Variants in ANKMY2 observed in about 807,000 individuals in gnomAD.
ANKMY2 encodes ankyrin repeat and MYND domain-containing protein 2.
A neutral mutation model predicts 50.4 loss-of-function variants in ANKMY2; 36 were observed. That is an observed-to-expected ratio of 0.71 (90% CI 0.55 to 0.94). The LOEUF (loss-of-function observed/expected upper bound fraction) is 0.94. Among genes scored for constraint, ANKMY2 ranks in the 40% least tolerant of loss-of-function variants. The probability of loss-of-function intolerance (pLI) is 0.00; values close to 1 mark genes in which losing one functional copy is unlikely to be tolerated. For missense variants in ANKMY2, 565 were observed against 524.0 expected (o/e 1.08, Z -0.76); for synonymous variants, 187 against 178.8 (o/e 1.05, Z -0.36).
In ANKMY2 at chr7:16,602,508, A is replaced by T. The variant is rs775654222; in HGVS notation, c.1013T>A (p.Val338Glu). The T allele has an allele frequency of 1.2e-5, 19 of 1,608,234 alleles. No individual in the cohort carries two copies. Among genetic ancestry groups the T allele is most frequent in the Non-Finnish European group, 1.3e-5 (15 of 1,178,602 alleles). The change falls in exon 9 of 10, where the codon GTA becomes GAA. Residue 338 changes from valine (V) to glutamate (E), a missense_variant and splice_region_variant. Val to Glu is a moderately radical substitution (Grantham distance 121). Transcript: ENST00000306999. ...CTGGCAGGTTTGATCACAATATATT[A>T]CCTGAAAGCAATTGTTGGTTTATTT... ...ASKRCSVCKM[V>E]IYCDQTCQKT...
At chr7:16,601,214 T>C (rs1781054989) in intron 9 of ANKMY2, among the ~76,000 whole-genome samples, 1 of 152,194 alleles carries the variant, frequency 6.6e-6, no homozygotes, top group East Asian at 1.9e-4. Context: ...AGATTGTTGC[T>C]TGGGATTTGA....
intron 1 of ANKMY2, among the ~76,000 whole-genome samples, chr7:16,642,742 T>C (rs1395420517): frequency 6.6e-6 from 1 of 152,090 alleles, no homozygotes; most frequent in Non-Finnish European, 1.5e-5. Flanking sequence ...TCTTCAACTA[T>C]AAAATAAAAA....
intron 9 of ANKMY2, among the ~76,000 whole-genome samples, chr7:16,601,819 T>G (rs148983184): frequency 6.6e-6 from 1 of 152,024 alleles, no homozygotes; most frequent in Admixed American, 6.6e-5. Flanking sequence ...CTATTTCTGA[T>G]GAAAATGGGT....
At chr7:16,621,098 C>T (rs115087305) in intron 4 of ANKMY2, among the ~76,000 whole-genome samples, 1,991 of 152,144 alleles carry the variant, frequency 0.013, 33 homozygotes, top group African/African-American at 0.046. Context: ...AGCTAGAAAA[C>T]GCAGTAAACT....
chr7:16,625,142 T>A, intron 3 of ANKMY2, 61 bp from the exon 4 acceptor site: 1 of 1,318,306 alleles, frequency 7.6e-7, no homozygotes, highest in Non-Finnish European at 1.1e-6. Context: ...AAACATCCCT[T>A]TCTAAACTCT....
chr7:16,615,921 A>T lies in ANKMY2; in HGVS notation c.371-17T>A. ...CATGTTGACCTTTTCATAGAAAAAT[A>T]GAAAAGTTGTAGTTTTAGTATTAAA... On this transcript the variant is annotated splice_polypyrimidine_tract_variant and intron_variant, in intron 4 of 9. Transcript: ENST00000306999. The T allele has an allele frequency of 6.3e-7, 1 of 1,580,294 alleles. No homozygotes were observed. The highest frequency in any genetic ancestry group is 1.2e-5 in the South Asian group (1 of 85,964).
chr7:16,608,658 C>T (rs1030540987), intron 7 of ANKMY2, among the ~76,000 whole-genome samples: 4 of 152,016 alleles, frequency 2.6e-5, no homozygotes, highest in Non-Finnish European at 4.4e-5. Flanking sequence ...TTGATTGAAA[C>T]GTATAAAAGC....
chr7:16,640,409 G>C (rs1204194505), intron 1 of ANKMY2, among the ~76,000 whole-genome samples: 6 of 152,162 alleles, frequency 3.9e-5, no homozygotes, highest in African/African-American at 1.4e-4. Context: ...CCAAAGACAA[G>C]AAGATGCAGC....
At chr7:16,615,984 A>T in intron 4 of ANKMY2, 80 bp from the exon 5 acceptor site, 1 of 1,366,654 alleles carries the variant, frequency 7.3e-7, no homozygotes, top group South Asian at 1.4e-5. Flanking sequence ...TTATGTTGCT[A>T]TTTTTGTGAT....
intron 8 of ANKMY2, chr7:16,603,461 A>C: frequency 2.9e-6 from 1 of 348,492 alleles, no homozygotes; most frequent in Admixed American, 3.5e-5. Context: ...GATATGTTCA[A>C]GAACAGCAAG....
intron 7 of ANKMY2, among the ~76,000 whole-genome samples, chr7:16,608,894 A>G (rs904481052): frequency 6.6e-6 from 1 of 152,082 alleles, no homozygotes; most frequent in Admixed American, 6.5e-5. Context: ...CCAGCCACTC[A>G]GGAGGCTGAA....
At chr7:16,611,217 GA>G (rs1470623061) in intron 5 of ANKMY2, among the ~76,000 whole-genome samples, 1 of 152,116 alleles carries the variant, frequency 6.6e-6, no homozygotes, top group Non-Finnish European at 1.5e-5. Context: ...TTAAGCACAA[GA>G]AAATGAGATT....
At chr7:16,618,349 T>C (rs910100977) in intron 4 of ANKMY2, among the ~76,000 whole-genome samples, 16 of 151,818 alleles carry the variant, frequency 1.1e-4, no homozygotes, top group Middle Eastern at 3.2e-3. Flanking sequence ...AATTCAGATA[T>C]AGAAATCATT....
chr7:16,607,087 G>A (rs891628310), intron 7 of ANKMY2, among the ~76,000 whole-genome samples: 1 of 152,196 alleles, frequency 6.6e-6, no homozygotes, highest in Non-Finnish European at 1.5e-5. Context: ...CAATTAGGCA[G>A]TAAACAATGG....
chr7:16,642,059 A>AGT (rs1187605529), intron 1 of ANKMY2, among the ~76,000 whole-genome samples: 2 of 52,888 alleles, frequency 3.8e-5, no homozygotes, highest in East Asian at 5.2e-4. Flanking sequence ...ATTGTATCTC[A>AGT]ATAGTTGGTA....
chr7:16,644,688 C>T (rs1327603122), intron 1 of ANKMY2: 15 of 471,028 alleles, frequency 3.2e-5, no homozygotes, highest in Non-Finnish European at 6.6e-5. Flanking sequence ...ATGTCACCTG[C>T]CAGGTAACGG....
rs1174048312 is a variant in ANKMY2 at position 16,645,601 on chromosome 7, C to G, written c.-28G>C. ...CTCCCGCCAGCTTGAAGGTTATTCC[C>G]TTTCTTAGGGAGTATTAAAAAAGAA... On this transcript the variant is annotated 5_prime_UTR_variant, in exon 1 of 10. Coordinates refer to ENST00000306999, the MANE Select transcript of ANKMY2 (RefSeq NM_020319.3). The G allele has an allele frequency of 6.2e-7, 1 of 1,606,154 alleles. No homozygotes were observed. The highest frequency in any genetic ancestry group is 1.3e-5 in the African/African-American group (1 of 74,310).
In ANKMY2 at chr7:16,610,729, G is replaced by T. The variant is rs1231210951; in HGVS notation, c.566C>A (p.Thr189Lys). The change falls in exon 6 of 10, where the codon ACA becomes AAA. Residue 189 changes from threonine (T) to lysine (K), a missense_variant. Transcript: ENST00000306999. ...VMLVNENPLL[T>K]EEAALNKCYR... ...GCATTTATTCAGGGCTGCTTCTTCT[G>T]TCAGCAGAGGATTCTCATTTACAAG... is the stretch of plus-strand genomic sequence containing the variant. The T allele has an allele frequency of 6.2e-7, 1 of 1,613,850 alleles. No homozygotes were observed. The highest frequency in any genetic ancestry group is 8.5e-7 in the Non-Finnish European group (1 of 1,179,938).
rs2128341338 is a variant in ANKMY2 at position 16,600,896 on chromosome 7, C to T, written c.1191G>A (p.Glu397=). Residue 397 remains glutamate, a synonymous_variant, in exon 10 of 10, where the codon GAG becomes GAA. Transcript: ENST00000306999. Reference sequence around the variant, plus strand: ...CCTTTTGAGAGATACCTACTTCAGCCTCTGGTTGCTCTTCATTAACACAGT... The same window carrying T: ...CCTTTTGAGAGATACCTACTTCAGCTTCTGGTTGCTCTTCATTAACACAGT... ...NSNCVNEEQP[E]AEVGISQKDS... 2 of 1,610,888 alleles carry T rather than the reference C, an allele frequency of 1.2e-6. No individual in the cohort carries two copies. Among genetic ancestry groups the T allele is most frequent in the Middle Eastern group, 1.7e-4 (1 of 6,028 alleles).
Sources: allele counts gnomAD v4.1 joint callset (sites outside exome capture counted in the v4.1 genomes callset), GRCh38; gene constraint gnomAD v4.1.1; transcripts MANE v1.5; gene names NCBI Gene and HGNC (gene_info 2026-07-23, HGNC 2026-07-21).